DCD: variants seen among roughly 807,000 people sequenced by gnomAD.
DCD encodes the protein dermcidin.
DCD carries 17 observed loss-of-function variants against 14.5 expected under a neutral mutation model. That is an observed-to-expected ratio of 1.18 (90% CI 0.81 to 1.76). DCD has a LOEUF of 1.76. Ranked by LOEUF, DCD falls within the 40% of genes most tolerant of loss-of-function variation. The pLI, the probability that DCD is intolerant of heterozygous loss-of-function variation, is 0.00. For synonymous variants in DCD, 64 were observed against 54.0 expected, an observed-to-expected ratio of 1.19 and a Z score of -0.82; for missense variants, 139 against 133.4, an observed-to-expected ratio of 1.04 and a Z score of -0.21.
In DCD at chr12:54,645,667, A is replaced by G. The variant is rs747605273; in HGVS notation, c.138T>C (p.Gly46=). 1 of 1,614,116 alleles carries G rather than the reference A, an allele frequency of 6.2e-7. No homozygotes were observed. The change falls in exon 3 of 5, where the codon GGT becomes GGC. Residue 46 remains glycine, a synonymous_variant. Transcript: ENST00000293371. ...EASAAQKENA[G]EDPGLARQAP... ...CCTGTCTGGCTAACCCTGGGTCTTCACCTGCATTTTCCTTTTGAGCTGCTG... is the reference window on the plus strand; with the variant it reads ...CCTGTCTGGCTAACCCTGGGTCTTCGCCTGCATTTTCCTTTTGAGCTGCTG...
In DCD at chr12:54,645,214, A is replaced by C. The variant is rs201698346; in HGVS notation, c.248T>G (p.Leu83Arg). 3 of 1,613,980 alleles carry C rather than the reference A, an allele frequency of 1.9e-6. No individual in the cohort carries two copies. The highest frequency in any genetic ancestry group is 2.5e-6 in the Non-Finnish European group (3 of 1,179,986). The change falls in exon 4 of 5, where the codon CTA (leucine) becomes CGA (arginine). Residue 83 changes from leucine to arginine, a missense_variant. By Grantham distance (102) the Leu-to-Arg change is moderately radical. Coordinates refer to ENST00000293371, the MANE Select transcript of DCD (RefSeq NM_053283.4). ...TAGATCTTCGACTGCATCTTTTCCT[A>C]GTTTTCCGAGTCCCCCCACAGCTTT... Reference protein sequence around the residue: ...AKKAVGGLGKLGKDAVEDLES... With the variant: ...AKKAVGGLGKRGKDAVEDLES...
intron 1 of DCD, 98 bp downstream of exon 1, chr12:54,648,148 G>T: frequency 7.3e-7 from 1 of 1,360,782 alleles, no homozygotes; most frequent in Non-Finnish European, 1.0e-6. Context: ...GACAGACTTG[G>T]GTGAACTGCC....
chr12:54,646,852 C>G (rs1958265239), intron 2 of DCD, among the ~76,000 whole-genome samples: 2 of 152,068 alleles, frequency 1.3e-5, no homozygotes, highest in South Asian at 4.2e-4. Flanking sequence ...TGTGAAGTTC[C>G]TCCTCTTGCT....
intron 2 of DCD, 55 bp from the exon 3 acceptor site, chr12:54,645,762 G>T: frequency 6.7e-7 from 1 of 1,498,762 alleles, no homozygotes; most frequent in Admixed American, 1.7e-5. Flanking sequence ...TTCCACCCTG[G>T]TCGGGGAGCA....
At chr12:54,645,489 A>T in intron 3 of DCD, 117 bp downstream of exon 3, 1 of 997,576 alleles carries the variant, frequency 1.0e-6, no homozygotes, top group Non-Finnish European at 1.5e-6. Flanking sequence ...AGCCCTCCCT[A>T]GGAATATGGG....
rs140949130 is a variant in DCD at position 54,645,333 on chromosome 12, G to A, written c.200-71C>T. ...ACTTCCTTTGTAGGAGAGCTCCCCC[G>A]CTTCCTAGGCACCATGGGCACCCCT... On this transcript the variant is annotated intron_variant, in intron 3 of 4. Transcript: ENST00000293371. 5.6e-4 allele frequency: 810 copies of A among 1,435,152 alleles called. 8 individuals carry two copies. In the African/African-American group the frequency reaches 0.01, roughly 18 times the overall value. The allele number at this position is 1,435,152 out of a possible 1,614,324, so 88.9% of individuals were successfully genotyped here.
chr12:54,645,089 G>T (rs1177145713), intron 4 of DCD, 84 bp downstream of exon 4: 9 of 1,509,306 alleles, frequency 6.0e-6, no homozygotes, highest in African/African-American at 2.8e-5. Context: ...GGTCTTCAAT[G>T]GGGGGGCTGT....
intron 2 of DCD, 79 bp from the exon 3 acceptor site, chr12:54,645,786 C>T: frequency 8.2e-7 from 1 of 1,223,126 alleles, no homozygotes; most frequent in Non-Finnish European, 1.2e-6. Context: ...GGTGCTTTTA[C>T]CCCCTCAAGG....
Position 54,645,751 on chromosome 12 carries a change from T to C in DCD, c.98-44A>G, listed in dbSNP as rs1592200581. On this transcript the variant is annotated intron_variant, in intron 2 of 4. Coordinates refer to ENST00000293371, the MANE Select transcript of DCD (RefSeq NM_053283.4). Reference sequence around the variant, plus strand: ...GAGAGGAATAATAGCTATTTCACTCTTTCCACCCTGGTCGGGGAGCAGGTG... The same window carrying C: ...GAGAGGAATAATAGCTATTTCACTCCTTCCACCCTGGTCGGGGAGCAGGTG... The C allele has an allele frequency of 7.1e-6, 11 of 1,542,192 alleles. No individual in the cohort carries two copies. The East Asian group carries it at 2.5e-4, about 35-fold the overall frequency.
intron 1 of DCD, among the ~76,000 whole-genome samples, chr12:54,647,780 G>A (rs900402542): frequency 6.6e-6 from 1 of 152,196 alleles, no homozygotes; most frequent in Non-Finnish European, 1.5e-5. Flanking sequence ...GCAAGAAAAT[G>A]CAAAATAGGG....
At chr12:54,646,395 C>A (rs1565729078) in intron 2 of DCD, among the ~76,000 whole-genome samples, 1 of 152,132 alleles carries the variant, frequency 6.6e-6, no homozygotes. Context: ...AATTAGATCT[C>A]TCTCTCAGGG....
intron 2 of DCD, 84 bp downstream of exon 2, chr12:54,647,037 T>G: frequency 7.0e-7 from 1 of 1,429,568 alleles, no homozygotes; most frequent in Admixed American, 2.3e-5. Flanking sequence ...ACCCCCCTTC[T>G]GCTTCTCTGA....
chr12:54,645,899 A>G (rs1958256885), intron 2 of DCD, 192 bp from the exon 3 acceptor site: 1 of 590,170 alleles, frequency 1.7e-6, no homozygotes, highest in Non-Finnish European at 3.1e-6. Context: ...TGCTGCCTCC[A>G]AGACTTTTCC....
At position 54,644,635 on chromosome 12, in the gene DCD, T is replaced by C; in HGVS notation, c.*78A>G. 1 of 1,048,192 alleles carries C rather than the reference T, an allele frequency of 9.5e-7. No homozygotes were observed. Among genetic ancestry groups the C allele is most frequent in the Non-Finnish European group, 1.4e-6 (1 of 725,360 alleles). 64.9% of individuals were successfully genotyped at this position (1,048,192 alleles called of 1,614,324 possible). ...AATAGCTGTTTTAAATTTTTTTTTT[T>C]TTTTTTTTTTTTAGGTTTTAGGCTG... On this transcript the variant is annotated 3_prime_UTR_variant, in exon 5 of 5. Coordinates refer to ENST00000293371, the MANE Select transcript of DCD (RefSeq NM_053283.4).
intron 2 of DCD, 143 bp downstream of exon 2, chr12:54,646,978 C>G: frequency 1.3e-6 from 1 of 744,502 alleles, no homozygotes; most frequent in South Asian, 1.9e-5. Flanking sequence ...CAGGAAGTCT[C>G]CCTTCTCCAT....
chr12:54,644,651 T>C lies in DCD; in HGVS notation c.*62A>G, dbSNP rs914288292. The C allele has an allele frequency of 6.2e-6, 7 of 1,130,082 alleles. No homozygotes were observed. The highest frequency in any genetic ancestry group is 2.2e-5 in the Admixed American group (1 of 45,316). 70.0% of individuals were successfully genotyped at this position (1,130,082 alleles called of 1,614,324 possible). A position where few individuals can be genotyped will look rare whatever the true frequency, so the allele number is the denominator to read the frequency against. On this transcript the variant is annotated 3_prime_UTR_variant, in exon 5 of 5. Transcript: ENST00000293371. ...TTTTTTTTTTTTTTTTTTTTTTAGG[T>C]TTTAGGCTGAAGACGTAAAGCCTGC...
In DCD at chr12:54,644,665, C is replaced by T. The variant is rs143447971; in HGVS notation, c.*48G>A. 272 of 1,035,318 alleles carry T rather than the reference C, an allele frequency of 2.6e-4. 2 individuals carry two copies. The African/African-American group carries it at 3.6e-3, about 14-fold the overall frequency. The allele number at this position is 1,035,318 out of a possible 1,614,324, so 64.1% of individuals were successfully genotyped here. ...TTTTTTTTAGGTTTTAGGCTGAAGA[C>T]GTAAAGCCTGCTGCTCCTGGGTATC... is the stretch of plus-strand genomic sequence containing the variant. On this transcript the variant is annotated 3_prime_UTR_variant, in exon 5 of 5. Transcript: ENST00000293371.
chr12:54,645,564 AT>A, intron 3 of DCD, 41 bp downstream of exon 3: 1 of 1,550,942 alleles, frequency 6.4e-7, no homozygotes, highest in Non-Finnish European at 8.9e-7. Context: ...TTGCTGTTTC[AT>A]GCATCAGAAT....
At chr12:54,646,634 A>C (rs1335636440) in intron 2 of DCD, among the ~76,000 whole-genome samples, 1 of 152,154 alleles carries the variant, frequency 6.6e-6, no homozygotes, top group Non-Finnish European at 1.5e-5. Flanking sequence ...TGATGAAACA[A>C]ATGTATAACG....
Sources: gnomAD v4.1 joint callset for allele counts (sites outside exome capture counted in the v4.1 genomes callset) on GRCh38, gnomAD v4.1.1 for gene constraint, MANE v1.5 for transcripts, NCBI Gene and HGNC (gene_info 2026-07-23, HGNC 2026-07-21) for gene names.